Variants in NUP160 observed in about 807,000 individuals in gnomAD.
NUP160 encodes nuclear pore complex protein Nup160.
NUP160 carries 94 observed loss-of-function variants against 196.9 expected under a neutral mutation model. The observed-to-expected ratio is 0.48, with a 90% CI of 0.40 to 0.57. The LOEUF (loss-of-function observed/expected upper bound fraction) is 0.57. NUP160 is among the 20% of genes least tolerant of loss of function. The pLI, the probability that NUP160 is intolerant of heterozygous loss-of-function variation, is 0.00. For missense variants in NUP160, 1,638 were observed against 1,748.3 expected, an observed-to-expected ratio of 0.94 and a Z score of 1.13; for synonymous variants, 605 against 619.7, an observed-to-expected ratio of 0.98 and a Z score of 0.35.
intron 23 of NUP160, 150 bp from the exon 24 acceptor site, chr11:47,798,613 G>A: frequency 1.7e-6 from 1 of 595,114 alleles, no homozygotes; most frequent in East Asian, 2.8e-5. Flanking sequence ...TGAAGCAGCA[G>A]GATTGCTCAA....
chr11:47,813,470 A>C (rs2097682314), intron 13 of NUP160, 55 bp from the exon 14 acceptor site: 2 of 1,166,952 alleles, frequency 1.7e-6, no homozygotes, highest in African/African-American at 1.5e-5. Context: ...TAAAGGTATA[A>C]AATAATTGAG....
intron 9 of NUP160, among the ~76,000 whole-genome samples, chr11:47,820,441 C>T (rs1851833894): frequency 6.6e-6 from 1 of 152,182 alleles, no homozygotes; most frequent in Non-Finnish European, 1.5e-5. Context: ...TAAAATACTA[C>T]ACATTCATAG....
At chr11:47,818,241 G>A in intron 10 of NUP160, 117 bp from the exon 11 acceptor site, 1 of 673,974 alleles carries the variant, frequency 1.5e-6, no homozygotes, top group Non-Finnish European at 2.7e-6. Context: ...CCTTCTATAT[G>A]TGGGCAATAA....
rs2097684221 is a variant in NUP160, at chr11:47,816,035, A to G, written c.1432-6T>C. 6.2e-7 allele frequency: 1 copy of G among 1,602,340 alleles called. No homozygotes were observed. The highest frequency in any genetic ancestry group is 1.7e-5 in the Admixed American group (1 of 59,920). Reference sequence around the variant, plus strand: ...TCAGTTCCTCGGCAGAAAATCTAACATTAAAAGACATTTTAGACTTCTATA... The same window carrying G: ...TCAGTTCCTCGGCAGAAAATCTAACGTTAAAAGACATTTTAGACTTCTATA... On this transcript the variant is annotated splice_region_variant and splice_polypyrimidine_tract_variant and intron_variant, in intron 11 of 35. Coordinates refer to ENST00000378460, the Ensembl canonical transcript of NUP160.
Position 47,846,163 on chromosome 11 carries a change from GA to G in NUP160, c.314+1684del, listed in dbSNP as rs202202466. On this transcript the variant is annotated intron_variant, in intron 2 of 35. Coordinates refer to ENST00000378460, the Ensembl canonical transcript of NUP160. ...AAAGAAAAAAAAAAAAAAGCAGAAA[GA>G]AAAAAAAATTTTTTTTGTAGAAATG... Among the ~76,000 whole-genome samples, 899 of 148,060 alleles carry G rather than the reference GA, an allele frequency of 6.1e-3. 28 individuals are homozygous for G. The highest frequency in any genetic ancestry group is 0.052 in the Admixed American group (773 of 14,878).
chr11:47,782,482 C>T (rs1458350664), intron 34 of NUP160, among the ~76,000 whole-genome samples: 1 of 150,398 alleles, frequency 6.6e-6, no homozygotes, highest in Admixed American at 6.6e-5. Flanking sequence ...CACGGCTTAG[C>T]CTAGCCTACT....
At chr11:47,798,515 C>A in intron 23 of NUP160, 52 bp from the exon 24 acceptor site, 1 of 1,009,806 alleles carries the variant, frequency 9.9e-7, no homozygotes, top group South Asian at 1.4e-5. Context: ...TAATGTACTT[C>A]AAACTCAATT....
In NUP160 at chr11:47,834,659, C is replaced by CA; in HGVS notation, c.1101+991dup. ...GTTCGGCATAAGGAGTCAGTCTGAA[C>CA]AGGTTGAAGAGAACATCGGTGCAGG... On this transcript the variant is annotated intron_variant, in intron 7 of 35. Coordinates refer to ENST00000378460, the Ensembl canonical transcript of NUP160. 2.0e-5 allele frequency among the ~76,000 whole-genome samples: 3 copies of CA among 152,130 alleles called. No homozygotes were observed. The South Asian group carries it at 6.2e-4, about 32-fold the overall frequency.
intron 7 of NUP160, among the ~76,000 whole-genome samples, chr11:47,834,430 G>T (rs1167215072): frequency 6.6e-6 from 1 of 152,170 alleles, no homozygotes; most frequent in African/African-American, 2.4e-5. Flanking sequence ...TTGTCCTCCA[G>T]AAGAGAGAAT....
rs1309899774 is a variant in NUP160 at position 47,782,299 on chromosome 11, AAAAAATATATATATATATATATAT to A, written c.4116+750_4116+773del. On this transcript the variant is annotated intron_variant, in intron 34 of 35. Transcript: ENST00000378460. Reference sequence around the variant, plus strand: ...AGAGCAAAACTCAGTTAAAAAAAAAAAAAAATATATATATATATATATATATATATATATATATATATATATATA... The same window carrying A: ...AGAGCAAAACTCAGTTAAAAAAAAAAATATATATATATATATATATATATA... Among the ~76,000 whole-genome samples the A allele has an allele frequency of 2.4e-4, 11 of 45,462 alleles. 1 individual carries two copies. In the South Asian group the frequency reaches 5.0e-3, roughly 21 times the overall value. 29.8% of individuals were successfully genotyped at this position (45,462 alleles called of 152,430 possible).
intron 7 of NUP160, among the ~76,000 whole-genome samples, chr11:47,828,963 C>T (rs1852026240): frequency 6.6e-6 from 1 of 151,620 alleles, no homozygotes; most frequent in African/African-American, 2.4e-5. Context: ...AATCAAAGTC[C>T]TAAATATAAA....
intron 14 of NUP160, 40 bp from the exon 15 acceptor site, chr11:47,813,087 A>G (rs779603987): frequency 7.3e-7 from 1 of 1,376,438 alleles, no homozygotes; most frequent in South Asian, 1.2e-5. Context: ...TCTTAAGCCA[A>G]TGACAATCTA....
intron 2 of NUP160, among the ~76,000 whole-genome samples, chr11:47,841,017 TAC>T (rs59211788): frequency 0.07 from 10,560 of 151,332 alleles, 409 homozygotes; most frequent in African/African-American, 0.12. Context: ...CGCACACATA[TAC>T]ACACACACAC....
chr11:47,784,039 A>C (rs1320547330), intron 33 of NUP160, among the ~76,000 whole-genome samples: 4 of 151,388 alleles, frequency 2.6e-5, no homozygotes, highest in African/African-American at 9.8e-5. Flanking sequence ...CAAAAAAAAC[A>C]AAACAAAACA....
exon 5 of NUP160, chr11:47,837,545 C>T (rs1431391576): frequency 6.2e-7 from 1 of 1,613,440 alleles, no homozygotes; most frequent in African/African-American, 1.3e-5. Flanking sequence ...CACCACTCAC[C>T]TGATAGCTGT....
exon 23 of NUP160, chr11:47,801,854 T>A: frequency 6.2e-7 from 1 of 1,613,850 alleles, no homozygotes; most frequent in Non-Finnish European, 8.5e-7. Context: ...GATCTCCCCA[T>A]CCTCTGAGCG....
At position 47,829,747 on chromosome 11, in the gene NUP160, C is replaced by T. The variant is rs146597077; in HGVS notation, c.1101+5904G>A. Among the ~76,000 whole-genome samples, 25 of 152,260 alleles carry T rather than the reference C, an allele frequency of 1.6e-4. No individual in the cohort carries two copies. In the East Asian group the frequency reaches 4.1e-3, roughly 25 times the overall value. On this transcript the variant is annotated intron_variant, in intron 7 of 35. Transcript: ENST00000378460. ...ATGGATTAAAGACTTAAACATAACA[C>T]GCAAAACTATAAAAACCCTGGAAGA...
chr11:47,782,296 AAAAAAAAATATATATATATATATATATAT>A lies in NUP160; in HGVS notation c.4116+748_4116+776del, dbSNP rs1265025997. Reference sequence around the variant, plus strand: ...AACAGAGCAAAACTCAGTTAAAAAAAAAAAAAAATATATATATATATATATATATATATATATATATATATATATATATA... The same window carrying A: ...AACAGAGCAAAACTCAGTTAAAAAAAATATATATATATATATATATATATA... On this transcript the variant is annotated intron_variant, in intron 34 of 35. Transcript: ENST00000378460. 4.1e-3 allele frequency among the ~76,000 whole-genome samples: 205 copies of A among 49,568 alleles called. 8 individuals carry two copies. Among genetic ancestry groups the A allele is most frequent in the Non-Finnish European group, 2.7e-3 (72 of 26,624 alleles). The allele number at this position is 49,568 out of a possible 152,430, so 32.5% of individuals were successfully genotyped here.
chr11:47,790,030 C>T (rs1445171814), intron 29 of NUP160, among the ~76,000 whole-genome samples: 2 of 151,142 alleles, frequency 1.3e-5, no homozygotes, highest in Non-Finnish European at 1.5e-5. Context: ...ACTGCAACCT[C>T]TCCCTCCTGG....
Sources: allele counts gnomAD v4.1 joint callset (sites outside exome capture counted in the v4.1 genomes callset), GRCh38; gene constraint gnomAD v4.1.1; transcripts MANE v1.5; gene names NCBI Gene and HGNC (gene_info 2026-07-23, HGNC 2026-07-21).